Variants in SYNE2 observed in about 807,000 individuals in gnomAD.
SYNE2 encodes spectrin repeat containing nuclear envelope protein 2, also known as nesprin-2.
SYNE2 carries 431 observed loss-of-function variants against 856.3 expected under a neutral mutation model. The ratio of observed to expected loss-of-function variants is 0.50; its 90% CI spans 0.47 to 0.55. The LOEUF (loss-of-function observed/expected upper bound fraction) is 0.55, where lower values mean the gene tolerates loss of function less well. SYNE2 is among the 20% of genes least tolerant of loss of function. SYNE2 has a pLI of 0.00. For synonymous variants in SYNE2, 2,923 were observed against 2,872.3 expected, an observed-to-expected ratio of 1.02 and a Z score of -0.56; for missense variants, 8,129 against 8,023.2, an observed-to-expected ratio of 1.01 and a Z score of -0.50.
chr14:64,202,910 G>A lies in SYNE2; in HGVS notation c.18148G>A (p.Val6050Ile). ...RIESELSKPV[V>I]YDVCDDQEIQ... ...TGAGTCTGAGCTTTCCAAGCCTGTT[G>A]TTTATGATGTCTGCGATGATCAAGA... is the stretch of plus-strand genomic sequence containing the variant. Residue 6050 changes from valine to isoleucine, a missense_variant, in exon 100 of 116, where the codon GTT (valine) becomes ATT (isoleucine). Physicochemically the swap from Val to Ile is conservative, Grantham distance 29. This residue lies in a region of SYNE2 where 5,410 missense variants were observed against 5,284.8 expected (regional missense o/e 1.02). Coordinates refer to ENST00000555002, the MANE Select transcript of SYNE2 (RefSeq NM_182914.3). 1 of 1,614,202 alleles carries A rather than the reference G, an allele frequency of 6.2e-7. No homozygotes were observed. The highest frequency in any genetic ancestry group is 8.5e-7 in the Non-Finnish European group (1 of 1,180,034).
chr14:64,023,084 T>A (rs1012333303), intron 38 of SYNE2: 4 of 512,472 alleles, frequency 7.8e-6, no homozygotes, highest in Non-Finnish European at 1.4e-5. Context: ...TGGTGAAACC[T>A]TATCTCTACA....
At chr14:63,964,094 A>G in intron 10 of SYNE2, 94 bp downstream of exon 10, 1 of 816,810 alleles carries the variant, frequency 1.2e-6, no homozygotes, top group Non-Finnish European at 2.0e-6. Context: ...TAAGTATTTT[A>G]AGTATTAAAT....
Position 64,021,392 on chromosome 14 carries a change from CAG to C in SYNE2, c.5230_5231del (p.Ser1744TrpfsTer5). The C allele has an allele frequency of 6.2e-7, 1 of 1,614,018 alleles. No homozygotes were observed. The highest frequency in any genetic ancestry group is 8.5e-7 in the Non-Finnish European group (1 of 1,179,884). ...CAGGAGAATCCAACTGCCATGCACT[CAG>C]TGGCAGCACTGCTGAGCTAAGGGAG... is the stretch of plus-strand genomic sequence containing the variant. ...LTGESNCHAL[S>X]GSTAELREDL... On this transcript the variant is annotated frameshift_variant, in exon 36 of 116. Coordinates refer to ENST00000555002, the MANE Select transcript of SYNE2 (RefSeq NM_182914.3). LOFTEE classifies it high-confidence loss of function.
Position 64,021,329 on chromosome 14 carries a change from T to C in SYNE2, c.5166T>C (p.Ser1722=), listed in dbSNP as rs1169671414. 1 of 1,614,016 alleles carries C rather than the reference T, an allele frequency of 6.2e-7. No individual in the cohort carries two copies. Among genetic ancestry groups the C allele is most frequent in the East Asian group, 2.2e-5 (1 of 44,892 alleles). Residue 1722 remains serine, a synonymous_variant, in exon 36 of 116, where the codon TCT becomes TCC. Transcript: ENST00000555002. ...IPLELQVMES[S]ILNKMEHVQK... ...CATGATTTCAGGTCATGGAGTCCTC[T>C]ATTTTGAACAAGATGGAACATGTAC...
intron 2 of SYNE2, among the ~76,000 whole-genome samples, chr14:63,928,536 C>T (rs2095701729): frequency 6.6e-6 from 1 of 152,088 alleles, no homozygotes; most frequent in Non-Finnish European, 1.5e-5. Context: ...GTAAATTATC[C>T]CTTGCTTTCT....
At chr14:63,976,042 A>C (rs2096540085) in intron 11 of SYNE2, among the ~76,000 whole-genome samples, 1 of 152,176 alleles carries the variant, frequency 6.6e-6, no homozygotes, top group Non-Finnish European at 1.5e-5. Flanking sequence ...TGGGAGGCTG[A>C]AGAAGGAGGA....
chr14:63,990,404 T>A lies in SYNE2; in HGVS notation c.2314-7T>A. The A allele has an allele frequency of 6.2e-7, 1 of 1,612,058 alleles. No homozygotes were observed. Among genetic ancestry groups the A allele is most frequent in the South Asian group, 1.1e-5 (1 of 90,944 alleles). On this transcript the variant is annotated splice_region_variant and splice_polypyrimidine_tract_variant and intron_variant, in intron 19 of 115. Coordinates refer to ENST00000555002, the MANE Select transcript of SYNE2 (RefSeq NM_182914.3). ...TATTGTGATCTCACTTCAATTTGTT[T>A]TAATAGCATCTTATTGCCAAAGGCT...
At chr14:64,121,122 G>A in intron 68 of SYNE2, 61 bp downstream of exon 68, 3 of 1,608,364 alleles carry the variant, frequency 1.9e-6, no homozygotes, top group Non-Finnish European at 2.6e-6. Context: ...AGGCAAGGTG[G>A]TGCAAACCTA....
chr14:64,000,742 C>A (rs2153502761), intron 28 of SYNE2, 23 bp downstream of exon 28: 1 of 1,598,942 alleles, frequency 6.3e-7, no homozygotes, highest in Middle Eastern at 1.8e-4. Context: ...GATCTATTAA[C>A]TATGAATCTA....
intron 96 of SYNE2, among the ~76,000 whole-genome samples, chr14:64,181,930 AT>A (rs1249262844): frequency 1.3e-5 from 2 of 152,172 alleles, no homozygotes; most frequent in East Asian, 3.8e-4. Flanking sequence ...TTTTTAAATA[AT>A]TTTTGTATAA....
At chr14:63,882,507 G>A (rs2094887514) in intron 1 of SYNE2, among the ~76,000 whole-genome samples, 1 of 151,466 alleles carries the variant, frequency 6.6e-6, no homozygotes, top group Admixed American at 6.6e-5. Flanking sequence ...CTTCAGTCCA[G>A]GAGTTCGAGA....
At chr14:63,964,986 G>A (rs183038156) in intron 10 of SYNE2, among the ~76,000 whole-genome samples, 2 of 143,686 alleles carry the variant, frequency 1.4e-5, no homozygotes, top group African/African-American at 5.2e-5. Context: ...TTTTTGAGGC[G>A]GAATCTTGCT....
intron 25 of SYNE2, 76 bp downstream of exon 25, chr14:63,997,467 T>A: frequency 8.8e-7 from 1 of 1,142,492 alleles, no homozygotes; most frequent in Non-Finnish European, 1.3e-6. Context: ...CACTTCTCAT[T>A]AATTAGGTGT....
At chr14:64,210,839 TTC>T (rs528001992) in intron 103 of SYNE2, among the ~76,000 whole-genome samples, 1 of 151,960 alleles carries the variant, frequency 6.6e-6, no homozygotes, top group African/African-American at 2.4e-5. Context: ...TTCCTTTCTT[TTC>T]TCTCTCTCTC....
At chr14:63,834,629 A>G (rs1016993765) in intron 1 of SYNE2, among the ~76,000 whole-genome samples, 2 of 128,216 alleles carry the variant, frequency 1.6e-5, no homozygotes, top group Non-Finnish European at 3.3e-5. Flanking sequence ...CATTTGTCCA[A>G]TTTCTTTTTC....
intron 63 of SYNE2, among the ~76,000 whole-genome samples, chr14:64,101,163 G>C (rs1319265736): frequency 6.6e-6 from 1 of 152,104 alleles, no homozygotes; most frequent in Admixed American, 6.5e-5. Flanking sequence ...CTTTGGATAT[G>C]TACTCAGTAG....
chr14:63,765,609 G>A (rs904846015), intron 1 of SYNE2, among the ~76,000 whole-genome samples: 8 of 151,984 alleles, frequency 5.3e-5, no homozygotes, highest in African/African-American at 9.7e-5. Context: ...CGCCTGCCTC[G>A]GCCTCCCAGA....
In SYNE2 at chr14:64,162,285, A is replaced by G; in HGVS notation, c.16299+9A>G. 2 of 1,614,054 alleles carry G rather than the reference A, an allele frequency of 1.2e-6. No homozygotes were observed. The highest frequency in any genetic ancestry group is 1.7e-4 in the Middle Eastern group (1 of 6,054). ...CCCTGCAGGACATAAAGGTGGGTAC[A>G]AAGCCCATTTGGAAAACCAAGGCCA... On this transcript the variant is annotated intron_variant, in intron 88 of 115. Coordinates refer to ENST00000555002, the MANE Select transcript of SYNE2 (RefSeq NM_182914.3).
intron 1 of SYNE2, among the ~76,000 whole-genome samples, chr14:63,898,381 A>T (rs1028516297): frequency 6.6e-6 from 1 of 151,642 alleles, no homozygotes; most frequent in Non-Finnish European, 1.5e-5. Flanking sequence ...ACTTTCGTTC[A>T]TCTTGTTTTA....
Sources: allele counts gnomAD v4.1 joint callset (sites outside exome capture counted in the v4.1 genomes callset), GRCh38; gene constraint gnomAD v4.1.1; regional missense constraint gnomAD v4.1.1; transcripts MANE v1.5; gene names NCBI Gene and HGNC (gene_info 2026-07-23, HGNC 2026-07-21).